The following BRPF3 variants were observed in gnomAD, a reference collection of about 807,000 sequenced individuals.
BRPF3 encodes bromodomain and PHD finger-containing protein 3.
A neutral mutation model predicts 102.0 loss-of-function variants in BRPF3; 18 were observed. The observed-to-expected ratio is 0.18, with a 90% CI of 0.12 to 0.26. The LOEUF (loss-of-function observed/expected upper bound fraction) is 0.26. Among genes scored for constraint, BRPF3 ranks in the 10% least tolerant of loss-of-function variants. BRPF3 has a pLI of 1.00. For synonymous variants in BRPF3, 570 were observed against 614.2 expected (o/e 0.93, Z 1.06); for missense variants, 1,147 against 1,567.8 (o/e 0.73, Z 4.53).
Position 36,214,403 on chromosome 6 carries a change from C to T in BRPF3, c.2989+17C>T. ...AAGAGACAGGTGACCCTGCCTGTGA[C>T]TTCTCTTGATACTTCGCATCTGCTT... On this transcript the variant is annotated intron_variant, in intron 8 of 12. Transcript: ENST00000357641. 1 of 1,539,390 alleles carries T rather than the reference C, an allele frequency of 6.5e-7. No individual in the cohort carries two copies. Among genetic ancestry groups the T allele is most frequent in the Non-Finnish European group, 8.7e-7 (1 of 1,148,458 alleles).
intron 7 of BRPF3, among the ~76,000 whole-genome samples, chr6:36,213,311 A>G (rs561954153): frequency 6.6e-6 from 1 of 152,216 alleles, no homozygotes; most frequent in Non-Finnish European, 1.5e-5. Flanking sequence ...TTGGTATGGG[A>G]TGGAGCCTAG....
At chr6:36,205,669 G>A (rs1465776036) in intron 3 of BRPF3, among the ~76,000 whole-genome samples, 1 of 152,112 alleles carries the variant, frequency 6.6e-6, no homozygotes, top group East Asian at 1.9e-4. Flanking sequence ...TACCACTTCC[G>A]GCTGCTTCTA....
Position 36,204,676 on chromosome 6 carries a change from T to C in BRPF3, c.1467T>C (p.Ser489=), listed in dbSNP as rs200992622. ...IPSYRLNKIC[S]GLSFQRKNQF... ...ACTCAAGGTTGAACAAGATCTGTAG[T>C]GGTCTCTCCTTTCAGAGGAAAAACC... The change falls in exon 3 of 13, where the codon AGT becomes AGC. Residue 489 remains serine, a synonymous_variant. Coordinates refer to ENST00000357641, the MANE Select transcript of BRPF3 (RefSeq NM_015695.3). 13 of 1,614,216 alleles carry C rather than the reference T, an allele frequency of 8.1e-6. No homozygotes were observed. The Admixed American group carries it at 1.7e-4, about 21-fold the overall frequency.
Position 36,231,919 on chromosome 6 carries a change from G to C in BRPF3, c.*1310G>C, listed in dbSNP as rs943394591. ...TTTTCACCTCCTGAGCACCAAAGTC[G>C]CAGGGCCAGTTGCAGGCCGCTGATT... On this transcript the variant is annotated 3_prime_UTR_variant, in exon 13 of 13. Transcript: ENST00000357641. 6.5e-6 allele frequency: 1 copy of C among 152,740 alleles called. No homozygotes were observed. Among genetic ancestry groups the C allele is most frequent in the Non-Finnish European group, 1.5e-5 (1 of 68,034 alleles). 9.5% of individuals were successfully genotyped at this position (152,740 alleles called of 1,614,324 possible).
chr6:36,232,490 GTCTCTC>G lies in BRPF3; in HGVS notation c.*1885_*1890del, dbSNP rs905964549. 1 of 152,454 alleles carries G rather than the reference GTCTCTC, an allele frequency of 6.6e-6. No individual in the cohort carries two copies. The highest frequency in any genetic ancestry group is 2.1e-4 in the South Asian group (1 of 4,826). 9.4% of individuals were successfully genotyped at this position (152,454 alleles called of 1,614,324 possible). ...TATTTTTCAATCTCTGAATATTTTA[GTCTCTC>G]TCTGAGTCTCATTTTTTAAAATGCT... On this transcript the variant is annotated 3_prime_UTR_variant, in exon 13 of 13. Coordinates refer to ENST00000357641, the MANE Select transcript of BRPF3 (RefSeq NM_015695.3).
intron 2 of BRPF3, among the ~76,000 whole-genome samples, chr6:36,202,968 G>A (rs765558749): frequency 4.6e-5 from 7 of 152,174 alleles, no homozygotes; most frequent in Non-Finnish European, 1.0e-4. Flanking sequence ...AGAAGGGGGA[G>A]GCTCTTATTG....
chr6:36,199,270 G>A (rs1767612164), intron 1 of BRPF3, among the ~76,000 whole-genome samples: 1 of 152,204 alleles, frequency 6.6e-6, no homozygotes, highest in African/African-American at 2.4e-5. Context: ...CTGCGCATGT[G>A]AGGGATCTAG....
rs571236985 is a variant in BRPF3, at chr6:36,211,547, C to T, written c.2469C>T (p.Asp823=). The T allele has an allele frequency of 1.7e-5, 27 of 1,553,682 alleles. No individual in the cohort carries two copies. The highest frequency in any genetic ancestry group is 5.9e-5 in the Admixed American group (3 of 51,130). ...LEQALQEEPE[D]DGDRDDSKLP... ...AGGCCTTGCAGGAGGAGCCAGAAGA[C>T]GATGGGGACAGAGGTGAGAGATAGT... The change falls in exon 7 of 13, where the codon GAC becomes GAT. Residue 823 remains aspartate, a synonymous_variant. Transcript: ENST00000357641.
chr6:36,219,611 C>A (rs1240188140), intron 9 of BRPF3, among the ~76,000 whole-genome samples: 1 of 152,174 alleles, frequency 6.6e-6, no homozygotes, highest in Non-Finnish European at 1.5e-5. Context: ...ATTCAGGTGG[C>A]GTGTTTGCCT....
Position 36,208,482 on chromosome 6 carries a change from A to G in BRPF3, c.1737+1038A>G, listed in dbSNP as rs370766057. Among the ~76,000 whole-genome samples the G allele has an allele frequency of 5.2e-3, 765 of 146,900 alleles. 2 individuals are homozygous for G. The highest frequency in any genetic ancestry group is 0.012 in the African/African-American group (507 of 40,682). On this transcript the variant is annotated intron_variant, in intron 4 of 12. Transcript: ENST00000357641. Reference sequence around the variant, plus strand: ...AAGACCTGTTCTCCACAAAAAGGGGAAAAAAAAAAGATGTTTCTTTCTCTT... The same window carrying G: ...AAGACCTGTTCTCCACAAAAAGGGGGAAAAAAAAAGATGTTTCTTTCTCTT...
Position 36,207,432 on chromosome 6 carries a change from C to G in BRPF3, c.1725C>G (p.Leu575=), listed in dbSNP as rs766174126. 1 of 1,613,982 alleles carries G rather than the reference C, an allele frequency of 6.2e-7. No homozygotes were observed. Among genetic ancestry groups the G allele is most frequent in the African/African-American group, 1.3e-5 (1 of 75,002 alleles). The change falls in exon 4 of 13, where the codon CTC becomes CTG. Residue 575 remains leucine (L), a synonymous_variant. Transcript: ENST00000357641. ...LIELIRKREK[L]KREQVKVQQA... ...AGCTGATTCGGAAGAGAGAGAAGCT[C>G]AAACGAGAGCAGGTAAGGAGGAGCC...
In BRPF3 at chr6:36,201,382, C is replaced by A. The variant is rs775339836; in HGVS notation, c.1060C>A (p.Gln354Lys). 1 of 1,614,176 alleles carries A rather than the reference C, an allele frequency of 6.2e-7. No individual in the cohort carries two copies. Among genetic ancestry groups the A allele is most frequent in the Non-Finnish European group, 8.5e-7 (1 of 1,180,032 alleles). Residue 354 changes from glutamine (Q) to lysine (K), a missense_variant, in exon 2 of 13, where the codon CAG becomes AAG. Physicochemically the swap from Gln to Lys is moderately conservative, Grantham distance 53. Coordinates refer to ENST00000357641, the MANE Select transcript of BRPF3 (RefSeq NM_015695.3). This position sits in a 1 kb window ranked among gnomAD's most constrained non-coding sequence, Gnocchi z 5.1. The stretch of plus-strand genomic sequence containing the variant: ...CACAGCATTCCATGTGACATGTGCA[C>A]AGCGGGCTGGGCTCTTCATGAAGAT... ...CYTAFHVTCA[Q>K]RAGLFMKIEP...
In BRPF3 at chr6:36,200,919, T is replaced by A; in HGVS notation, c.597T>A (p.Ser199Arg). The A allele has an allele frequency of 6.2e-7, 1 of 1,613,840 alleles. No individual in the cohort carries two copies. Among genetic ancestry groups the A allele is most frequent in the East Asian group, 2.2e-5 (1 of 44,872 alleles). ...DRLEKESYLESRSSGAQQSLI... is the reference protein window; with the variant it reads ...DRLEKESYLERRSSGAQQSLI... ...TTGAGAAAGAGTCATACTTGGAGAG[T>A]CGCAGCAGTGGGGCCCAACAGTCAC... The change falls in exon 2 of 13, where the codon AGT (serine) becomes AGA (arginine). Residue 199 changes from serine (S) to arginine (R), a missense_variant. By Grantham distance (110) the Ser-to-Arg change is moderately radical (BLOSUM62 -1). Around this residue, in one of 11 missense-constraint regions of BRPF3, gnomAD observed 221 missense variants for 337.1 expected, o/e 0.66. Transcript: ENST00000357641. The surrounding 1 kb of genome is among the most constrained non-coding windows in gnomAD (Gnocchi z 5.3).
chr6:36,219,556 A>G (rs1036086495), intron 9 of BRPF3, among the ~76,000 whole-genome samples: 2 of 152,170 alleles, frequency 1.3e-5, no homozygotes, highest in Non-Finnish European at 2.9e-5. Flanking sequence ...CTTTTCAGCT[A>G]TGAGCCACAA....
chr6:36,222,881 T>G (rs544913613), intron 10 of BRPF3, among the ~76,000 whole-genome samples: 153 of 152,354 alleles, frequency 1.0e-3, no homozygotes, highest in African/African-American at 3.6e-3. Flanking sequence ...AGGGAGCCTA[T>G]CTATAGAAGT....
chr6:36,230,810 A>T lies in BRPF3; in HGVS notation c.*201A>T. On this transcript the variant is annotated 3_prime_UTR_variant, in exon 13 of 13. Transcript: ENST00000357641. The surrounding 1 kb of genome is among the most constrained non-coding windows in gnomAD (Gnocchi z 5.4). The stretch of plus-strand genomic sequence containing the variant: ...CCTGGCAGGCCTGCTGTGTGCCAAA[A>T]ACTCCCACCCAAGGTCCCTCAGGGG... 1 of 606,264 alleles carries T rather than the reference A, an allele frequency of 1.6e-6. No individual in the cohort carries two copies. Among genetic ancestry groups the T allele is most frequent in the Non-Finnish European group, 2.8e-6 (1 of 356,968 alleles). The allele number at this position is 606,264 out of a possible 1,614,324, so 37.6% of individuals were successfully genotyped here.
At position 36,201,456 on chromosome 6, in the gene BRPF3, C is replaced by A; in HGVS notation, c.1134C>A (p.Arg378=). Residue 378 remains arginine, a synonymous_variant, in exon 2 of 13, where the codon CGC becomes CGA. Coordinates refer to ENST00000357641, the MANE Select transcript of BRPF3 (RefSeq NM_015695.3). The surrounding 1 kb of genome is among the most constrained non-coding windows in gnomAD (Gnocchi z 5.1). ...TSLNGTIFTV[R]KTAYCEAHSP... is the part of the protein sequence containing the mutation. ...TCAATGGCACCATCTTTACAGTGCGCAAGACTGCCTACTGTGAGGCCCACT... is the reference window on the plus strand; with the variant it reads ...TCAATGGCACCATCTTTACAGTGCGAAAGACTGCCTACTGTGAGGCCCACT... The A allele has an allele frequency of 6.2e-7, 1 of 1,614,186 alleles. No homozygotes were observed. The highest frequency in any genetic ancestry group is 8.5e-7 in the Non-Finnish European group (1 of 1,180,036).
intron 6 of BRPF3, 131 bp from the exon 7 acceptor site, chr6:36,211,127 G>T (rs1768090036): frequency 1.9e-6 from 2 of 1,061,834 alleles, no homozygotes; most frequent in Non-Finnish European, 2.7e-6. Context: ...AAGGCCCACA[G>T]TGACGCTGCT....
chr6:36,229,507 A>G (rs58321576), intron 12 of BRPF3, among the ~76,000 whole-genome samples: 2,667 of 152,220 alleles, frequency 0.018, 55 homozygotes, highest in East Asian at 0.049. Flanking sequence ...CATGGTGGAG[A>G]GTGATTCCTA....
Sources: gnomAD v4.1 joint callset for allele counts (sites outside exome capture counted in the v4.1 genomes callset) on GRCh38, gnomAD v4.1.1 for gene constraint, gnomAD v4.1.1 regional missense constraint, Gnocchi (gnomAD v3.1) non-coding constraint, MANE v1.5 for transcripts, NCBI Gene and HGNC (gene_info 2026-07-23, HGNC 2026-07-21) for gene names.